The following COL4A2 variants were observed in gnomAD, a reference collection of about 807,000 sequenced individuals.
COL4A2 encodes collagen alpha-2(IV) chain.
Under a neutral mutation model 200.2 loss-of-function variants are expected in COL4A2, and 99 were observed. That is an observed-to-expected ratio of 0.49 (90% confidence interval 0.42 to 0.58). The LOEUF (loss-of-function observed/expected upper bound fraction) is 0.58. Among genes scored for constraint, COL4A2 ranks in the 20% least tolerant of loss-of-function variants. The pLI, the probability that COL4A2 is intolerant of heterozygous loss-of-function variation, is 0.00. For missense variants in COL4A2, 1,950 were observed against 2,314.1 expected (o/e 0.84, Z 3.23); for synonymous variants, 897 against 900.6 (o/e 1.00, Z 0.07).
At chr13:110,343,216 G>A (rs1876538842) in intron 3 of COL4A2, among the ~76,000 whole-genome samples, 2 of 152,122 alleles carry the variant, frequency 1.3e-5, no homozygotes, top group African/African-American at 4.8e-5. Context: ...GAGTGGGATT[G>A]AAAATCCACT....
At chr13:110,395,813 C>T (rs1444125991) in intron 4 of COL4A2, among the ~76,000 whole-genome samples, 4 of 152,246 alleles carry the variant, frequency 2.6e-5, no homozygotes, top group South Asian at 4.2e-4. Context: ...GGTTTGGTGG[C>T]GCATGCCTGT....
At chr13:110,472,433 T>C (rs1026950097) in intron 28 of COL4A2, among the ~76,000 whole-genome samples, 6 of 152,094 alleles carry the variant, frequency 3.9e-5, no homozygotes, top group African/African-American at 1.4e-4. Flanking sequence ...GGGGTGTCGT[T>C]CCTCTTTGAA....
chr13:110,494,311 G>A (rs1012657875), intron 39 of COL4A2, among the ~76,000 whole-genome samples: 2 of 147,420 alleles, frequency 1.4e-5, no homozygotes, highest in Non-Finnish European at 3.0e-5. Flanking sequence ...TCCCCAAGAA[G>A]CTGAGATAGC....
At chr13:110,395,054 A>C (rs901507576) in intron 4 of COL4A2, among the ~76,000 whole-genome samples, 2 of 152,202 alleles carry the variant, frequency 1.3e-5, no homozygotes, top group African/African-American at 2.4e-5. Flanking sequence ...TCCATTTTCT[A>C]CAAAGCCACG....
intron 16 of COL4A2, among the ~76,000 whole-genome samples, chr13:110,441,615 T>A (rs1749975350): frequency 6.6e-6 from 1 of 152,096 alleles, no homozygotes; most frequent in African/African-American, 2.4e-5. Flanking sequence ...CACATTCTAG[T>A]TCATGGCTTA....
At chr13:110,449,969 C>T (rs949129180) in intron 19 of COL4A2, among the ~76,000 whole-genome samples, 180 bp downstream of exon 19, 3 of 152,212 alleles carry the variant, frequency 2.0e-5, no homozygotes, top group East Asian at 1.9e-4. Context: ...ACAGAACCCT[C>T]GCACATATGA....
Position 110,430,429 on chromosome 13 carries a change from G to T in COL4A2, c.578G>T (p.Gly193Val). ...GAACCTGGAGAGCCTGGATTGGTCG[G>T]TTTCCAGGTAAGTTTATTTTTATTG... Reference protein sequence around the residue: ...RGEPGEPGLVGFQGPPGRPGH... With the variant: ...RGEPGEPGLVVFQGPPGRPGH... Residue 193 changes from glycine to valine, a missense_variant, in exon 9 of 48, where the codon GGT becomes GTT. Around this residue, in one of 2 missense-constraint regions of COL4A2, gnomAD observed 565 missense variants for 593.5 expected, o/e 0.95. Coordinates refer to ENST00000360467, the MANE Select transcript of COL4A2 (RefSeq NM_001846.4). 1 of 1,614,098 alleles carries T rather than the reference G, an allele frequency of 6.2e-7. No homozygotes were observed. Among genetic ancestry groups the T allele is most frequent in the South Asian group, 1.1e-5 (1 of 91,066 alleles).
chr13:110,466,190 G>A, intron 26 of COL4A2, 128 bp downstream of exon 26: 1 of 1,119,024 alleles, frequency 8.9e-7, no homozygotes, highest in South Asian at 1.7e-5. Context: ...TGATTTCCAT[G>A]GCACAACATA....
intron 8 of COL4A2, 118 bp from the exon 9 acceptor site, chr13:110,430,283 C>T (rs1386060099): frequency 5.5e-6 from 7 of 1,264,900 alleles, no homozygotes; most frequent in Non-Finnish European, 7.5e-6. Context: ...ATTAACATTA[C>T]TAGGTCCTGA....
intron 6 of COL4A2, among the ~76,000 whole-genome samples, chr13:110,428,001 C>G (rs1880532408): frequency 6.6e-6 from 1 of 152,160 alleles, no homozygotes. Context: ...TAAGGACCTC[C>G]CTGTTTTCCC....
Position 110,329,349 on chromosome 13 carries a change from A to G in COL4A2, c.99+21226A>G, listed in dbSNP as rs2139359805. Among the ~76,000 whole-genome samples the G allele has an allele frequency of 3.3e-5, 5 of 152,312 alleles. No homozygotes were observed. The South Asian group carries it at 1.0e-3, about 32-fold the overall frequency. On this transcript the variant is annotated intron_variant, in intron 3 of 47. Coordinates refer to ENST00000360467, the MANE Select transcript of COL4A2 (RefSeq NM_001846.4). ...ATCTTGAATCAACGCTTTAAGAAAA[A>G]ACATACTTGCTGCAGTGGTTCTGGA...
chr13:110,454,915 A>C (rs1594225367), intron 20 of COL4A2, among the ~76,000 whole-genome samples: 1 of 150,032 alleles, frequency 6.7e-6, no homozygotes, highest in African/African-American at 2.5e-5. Flanking sequence ...CTCCGTCCCC[A>C]CCCCCTGCCA....
At chr13:110,471,027 T>G (rs1315234044) in intron 28 of COL4A2, among the ~76,000 whole-genome samples, 1 of 152,224 alleles carries the variant, frequency 6.6e-6, no homozygotes, top group Non-Finnish European at 1.5e-5. Context: ...GGGGTTGGTC[T>G]CTGTGGTTTT....
chr13:110,469,974 G>C (rs556322983), intron 28 of COL4A2, among the ~76,000 whole-genome samples: 4 of 144,040 alleles, frequency 2.8e-5, no homozygotes, highest in African/African-American at 1.0e-4. Context: ...GAGTGCAGTG[G>C]CACAATCTCA....
intron 47 of COL4A2, 145 bp from the exon 48 acceptor site, chr13:110,511,789 C>T (rs1271717560): frequency 1.5e-6 from 2 of 1,335,712 alleles, no homozygotes; most frequent in Admixed American, 2.4e-5. Flanking sequence ...GCTGAAGGCG[C>T]ATTCGCGAGG....
chr13:110,450,464 G>A lies in COL4A2; in HGVS notation c.1339+10G>A, dbSNP rs779001822. The A allele has an allele frequency of 1.9e-6, 3 of 1,613,510 alleles. No individual in the cohort carries two copies. Among genetic ancestry groups the A allele is most frequent in the South Asian group, 1.1e-5 (1 of 91,078 alleles). ...CCACCTGGACCTGATGGTGAGTGGA[G>A]GGAAACAAAAGGGAGGGTGTAGCCT... is the stretch of plus-strand genomic sequence containing the variant. On this transcript the variant is annotated intron_variant, in intron 20 of 47. Coordinates refer to ENST00000360467, the MANE Select transcript of COL4A2 (RefSeq NM_001846.4).
At chr13:110,457,526 T>TCCAAACACGTGA in intron 21 of COL4A2, 91 bp downstream of exon 21, 1 of 789,078 alleles carries the variant, frequency 1.3e-6, no homozygotes, top group Non-Finnish European at 2.2e-6. Context: ...CCCACTCACG[T>TCCAAACACGTGA]GTTTGGACAT....
chr13:110,323,102 A>G (rs1212072389), intron 3 of COL4A2, among the ~76,000 whole-genome samples: 1 of 152,218 alleles, frequency 6.6e-6, no homozygotes, highest in Non-Finnish European at 1.5e-5. Context: ...AGACAAAGAT[A>G]GGGATCCACT....
chr13:110,467,910 G>T (rs764619589), intron 27 of COL4A2, among the ~76,000 whole-genome samples: 3 of 152,230 alleles, frequency 2.0e-5, no homozygotes, highest in Admixed American at 6.5e-5. Flanking sequence ...TGGGGCCGGG[G>T]AAGCATGTCA....
Sources: gnomAD v4.1 joint callset for allele counts (sites outside exome capture counted in the v4.1 genomes callset) on GRCh38, gnomAD v4.1.1 for gene constraint, gnomAD v4.1.1 regional missense constraint, MANE v1.5 for transcripts, NCBI Gene and HGNC (gene_info 2026-07-23, HGNC 2026-07-21) for gene names.